Variants in FBN3 observed in about 807,000 individuals in gnomAD.
FBN3 encodes the protein fibrillin-3.
A neutral mutation model predicts 330.1 loss-of-function variants in FBN3; 234 were observed. That is an observed-to-expected ratio of 0.71 (90% CI 0.64 to 0.79). The LOEUF (loss-of-function observed/expected upper bound fraction) is 0.79. Ranked by LOEUF, FBN3 falls within the 30% of genes least tolerant of loss-of-function variation. FBN3 has a pLI of 0.00. For synonymous variants in FBN3, 1,458 were observed against 1,517.3 expected (o/e 0.96, Z 0.91); for missense variants, 3,606 against 3,886.9 (o/e 0.93, Z 1.92).
At chr19:8,092,286 G>A (rs536542134) in intron 47 of FBN3, among the ~76,000 whole-genome samples, 9 of 152,010 alleles carry the variant, frequency 5.9e-5, no homozygotes, top group South Asian at 2.1e-4. Flanking sequence ...AAAGACACAC[G>A]CACATGCATG....
chr19:8,111,799 C>T (rs2082592066), intron 31 of FBN3, 29 bp from the exon 32 acceptor site: 1 of 1,607,994 alleles, frequency 6.2e-7, no homozygotes, highest in Non-Finnish European at 8.5e-7. Flanking sequence ...AGACCCCCCA[C>T]CCCATGGTGT....
At chr19:8,116,642 A>AC in intron 29 of FBN3, 32 bp downstream of exon 29, 1 of 1,543,814 alleles carries the variant, frequency 6.5e-7, no homozygotes, top group Non-Finnish European at 8.9e-7. Flanking sequence ...TGCCTCCTCC[A>AC]CCCGCCCCGC....
intron 60 of FBN3, 26 bp downstream of exon 60, chr19:8,075,257 A>G (rs753699910): frequency 3.7e-6 from 6 of 1,600,742 alleles, no homozygotes; most frequent in Non-Finnish European, 5.1e-6. Context: ...CCCAAACACT[A>G]GACCCCAGCC....
intron 61 of FBN3, 70 bp downstream of exon 61, chr19:8,075,001 G>T: frequency 6.5e-7 from 1 of 1,531,700 alleles, no homozygotes; most frequent in Non-Finnish European, 8.8e-7. Context: ...GCAGGGTGGC[G>T]TCTGTTAGTC....
chr19:8,133,141 G>A lies in FBN3; in HGVS notation c.1592-35C>T, dbSNP rs1337509421. On this transcript the variant is annotated intron_variant, in intron 13 of 63. Transcript: ENST00000600128. The stretch of plus-strand genomic sequence containing the variant: ...ACAGCAGAGGCTGGGTCCAGGCAGG[G>A]ACCACACTGGGACCCTCTCTCTCCC... 6 of 1,540,572 alleles carry A rather than the reference G, an allele frequency of 3.9e-6. No individual in the cohort carries two copies. The Admixed American group carries it at 5.9e-5, about 15-fold the overall frequency.
chr19:8,111,333 G>T, intron 32 of FBN3, 150 bp from the exon 33 acceptor site: 1 of 1,032,318 alleles, frequency 9.7e-7, no homozygotes, highest in South Asian at 1.7e-5. Context: ...TTGGGGGTGG[G>T]AGGCGAGTGA....
chr19:8,081,447 C>T lies in FBN3; in HGVS notation c.7247G>A (p.Cys2416Tyr). ...CTTCGTGTTTTTGCAGAGGAAGGTA[C>T]ATGGCTTGGGGACCTGGCTGCACTC... is the stretch of plus-strand genomic sequence containing the variant. ...MDECSQVPKP[C>Y]TFLCKNTKGS... The change falls in exon 58 of 64, where the codon TGT (cysteine) becomes TAT (tyrosine). Residue 2416 changes from cysteine to tyrosine, a missense_variant. Transcript: ENST00000600128. 1.2e-6 allele frequency: 2 copies of T among 1,612,108 alleles called. No individual in the cohort carries two copies.
In FBN3 at chr19:8,131,326, C is replaced by A; in HGVS notation, c.1991-38G>T. The A allele has an allele frequency of 8.1e-6, 13 of 1,605,414 alleles. No homozygotes were observed. Among genetic ancestry groups the A allele is most frequent in the Non-Finnish European group, 1.0e-5 (12 of 1,175,656 alleles). On this transcript the variant is annotated intron_variant, in intron 15 of 63. Coordinates refer to ENST00000600128, the MANE Select transcript of FBN3 (RefSeq NM_032447.5). This position sits in a 1 kb window ranked among gnomAD's most constrained non-coding sequence, Gnocchi z 4.5. ...GGACAGAGTGAGACGGGTCAGGGAGCTTAGCCATGGCTCGGATTCAGCCAC... is the reference window on the plus strand; with the variant it reads ...GGACAGAGTGAGACGGGTCAGGGAGATTAGCCATGGCTCGGATTCAGCCAC...
chr19:8,109,507 A>C lies in FBN3; in HGVS notation c.4457-119T>G. On this transcript the variant is annotated intron_variant, in intron 35 of 63. Transcript: ENST00000600128. The surrounding 1 kb of genome is among the most constrained non-coding windows in gnomAD (Gnocchi z 5.2). ...ACAACCACTCTTGCAGGAGACCAGCAGATGTCCCGTTTGTCAGGAGCAGGT... is the reference window on the plus strand; with the variant it reads ...ACAACCACTCTTGCAGGAGACCAGCCGATGTCCCGTTTGTCAGGAGCAGGT... 1 of 1,533,786 alleles carries C rather than the reference A, an allele frequency of 6.5e-7. No homozygotes were observed. Among genetic ancestry groups the C allele is most frequent in the Non-Finnish European group, 8.9e-7 (1 of 1,123,470 alleles).
chr19:8,085,320 C>T lies in FBN3; in HGVS notation c.7087+43G>A, dbSNP rs766836498. 25 of 1,519,470 alleles carry T rather than the reference C, an allele frequency of 1.6e-5. 1 individual carries two copies. Among genetic ancestry groups the T allele is most frequent in the East Asian group, 1.2e-4 (5 of 40,886 alleles). The allele number at this position is 1,519,470 out of a possible 1,614,324, so 94.1% of individuals were successfully genotyped here. ...ACACATGACCCTGAGCAAACTCCCC[C>T]GTTTCTTGCCTCCCTGGGGGTCCTG... On this transcript the variant is annotated intron_variant, in intron 56 of 63. Coordinates refer to ENST00000600128, the MANE Select transcript of FBN3 (RefSeq NM_032447.5).
chr19:8,074,860 C>G, intron 61 of FBN3: 1 of 552,036 alleles, frequency 1.8e-6, no homozygotes, highest in Non-Finnish European at 3.0e-6. Flanking sequence ...GGCCACCATG[C>G]CCTAAGGAAT....
intron 41 of FBN3, among the ~76,000 whole-genome samples, chr19:8,098,050 C>T (rs1354824831): frequency 6.6e-6 from 1 of 152,204 alleles, no homozygotes; most frequent in Non-Finnish European, 1.5e-5. Context: ...ATGTTTTAAA[C>T]TTAGATTGAG....
Position 8,138,498 on chromosome 19 carries a change from T to A in FBN3, c.932A>T (p.His311Leu). The change falls in exon 9 of 64, where the codon CAC becomes CTC. Residue 311 changes from histidine (H) to leucine (L), a missense_variant. Physicochemically the swap from His to Leu is moderately conservative, Grantham distance 99. Coordinates refer to ENST00000600128, the MANE Select transcript of FBN3 (RefSeq NM_032447.5). ...ACAGCAGCACTGCCTGCGAGTGTAG[T>A]GGCCGGCGAGGTCTCCAGCACAGCG... ...GGRCAGDLAG[H>L]YTRRQCCCDR... is the part of the protein sequence containing the mutation. 2 of 1,613,022 alleles carry A rather than the reference T, an allele frequency of 1.2e-6. No homozygotes were observed. The highest frequency in any genetic ancestry group is 1.1e-5 in the South Asian group (1 of 91,046).
In FBN3 at chr19:8,095,948, A is replaced by G; in HGVS notation, c.5656+16T>C. On this transcript the variant is annotated intron_variant, in intron 45 of 63. Transcript: ENST00000600128. ...GAACCCACTTTGTGGCCAGCCTGCC[A>G]CCTGAGCCGACTCACCCACACAATC... 6.4e-7 allele frequency: 1 copy of G among 1,558,238 alleles called. No individual in the cohort carries two copies. The highest frequency in any genetic ancestry group is 8.9e-7 in the Non-Finnish European group (1 of 1,129,826).
chr19:8,130,526 A>G (rs1157261425), intron 16 of FBN3, among the ~76,000 whole-genome samples: 1 of 119,790 alleles, frequency 8.3e-6, no homozygotes. Flanking sequence ...AAAGAAAGAA[A>G]GAAAGAAAAG....
rs745946801 is a variant in FBN3 at position 8,087,192 on chromosome 19, A to G, written c.6639T>C (p.Asp2213=). ...CCCGGGCGTGGCAGTCCTGCTGACCATCTGCACACTCGTCCACATCTTCGG... is the reference window on the plus strand; with the variant it reads ...CCCGGGCGTGGCAGTCCTGCTGACCGTCTGCACACTCGTCCACATCTTCGG... ...AMCRDVDECA[D]GQQDCHARGM... Residue 2213 remains aspartate, a synonymous_variant, in exon 54 of 64, where the codon GAT becomes GAC. Coordinates refer to ENST00000600128, the MANE Select transcript of FBN3 (RefSeq NM_032447.5). 6.2e-7 allele frequency: 1 copy of G among 1,601,842 alleles called. No homozygotes were observed. The highest frequency in any genetic ancestry group is 8.5e-7 in the Non-Finnish European group (1 of 1,175,566).
rs2083494016 is a variant in FBN3, at chr19:8,144,818, G to A, written c.541+59C>T. ...CTGGCCATGTCTCAGGGACTTCCAG[G>A]AAACCCCCTTTCCTCCATCGAGTCC... On this transcript the variant is annotated intron_variant, in intron 6 of 63. Coordinates refer to ENST00000600128, the MANE Select transcript of FBN3 (RefSeq NM_032447.5). 3.6e-6 allele frequency: 5 copies of A among 1,404,352 alleles called. No homozygotes were observed. The East Asian group carries it at 7.4e-5, about 21-fold the overall frequency. The allele number at this position is 1,404,352 out of a possible 1,614,324, so 87.0% of individuals were successfully genotyped here.
chr19:8,116,932 G>A (rs1235818880), intron 28 of FBN3, 133 bp from the exon 29 acceptor site: 25 of 1,222,074 alleles, frequency 2.0e-5, no homozygotes, highest in African/African-American at 7.6e-5. Context: ...GTCTGGGGGC[G>A]CTCAAGCAGT....
intron 61 of FBN3, among the ~76,000 whole-genome samples, chr19:8,074,362 G>A (rs1383010548): frequency 1.3e-5 from 2 of 152,110 alleles, no homozygotes; most frequent in African/African-American, 4.8e-5. Context: ...GACAAAAGGA[G>A]GGGGCAGAGA....
Sources: gnomAD v4.1 joint callset for allele counts (sites outside exome capture counted in the v4.1 genomes callset) on GRCh38, gnomAD v4.1.1 for gene constraint, Gnocchi (gnomAD v3.1) non-coding constraint, MANE v1.5 for transcripts, NCBI Gene and HGNC (gene_info 2026-07-23, HGNC 2026-07-21) for gene names.